The following GRIK3 variants were observed in gnomAD, a reference collection of about 807,000 sequenced individuals.
The protein encoded by GRIK3 is glutamate ionotropic receptor kainate type subunit 3.
In GRIK3, 29 loss-of-function variants were observed where a neutral mutation model predicts 102.5. The observed-to-expected ratio is 0.28, with a 90% confidence interval of 0.21 to 0.39. The LOEUF (loss-of-function observed/expected upper bound fraction) is 0.39. Ranked by LOEUF, GRIK3 falls within the 10% of genes least tolerant of loss-of-function variation. GRIK3 has a pLI of 1.00. For synonymous variants in GRIK3, 511 were observed against 504.9 expected (o/e 1.01, Z -0.16); for missense variants, 908 against 1,252.4 (o/e 0.73, Z 4.15).
intron 6 of GRIK3, 82 bp from the exon 7 acceptor site, chr1:36,859,333 CT>C (rs983949283): frequency 6.9e-7 from 1 of 1,438,906 alleles, no homozygotes; most frequent in Non-Finnish European, 9.5e-7. Flanking sequence ...CTTCTCCTCC[CT>C]TGCCACAGGT....
intron 1 of GRIK3, among the ~76,000 whole-genome samples, chr1:37,027,605 G>C (rs507460): frequency 0.52 from 79,776 of 152,062 alleles, 21,917 homozygotes; most frequent in African/African-American, 0.69. Context: ...AAACGCTCAA[G>C]TGTGGACAGC....
At chr1:36,857,474 A>G (rs1340585221) in intron 7 of GRIK3, among the ~76,000 whole-genome samples, 1 of 152,206 alleles carries the variant, frequency 6.6e-6, no homozygotes, top group Non-Finnish European at 1.5e-5. Flanking sequence ...CTGGGACTGG[A>G]GTCCCTTCTA....
chr1:37,022,898 T>G (rs1642729633), intron 1 of GRIK3, among the ~76,000 whole-genome samples: 1 of 152,128 alleles, frequency 6.6e-6, no homozygotes, highest in South Asian at 2.1e-4. Flanking sequence ...AACTAAGAAT[T>G]ATAATACAGC....
chr1:37,010,987 C>T (rs1024325361), intron 1 of GRIK3, among the ~76,000 whole-genome samples: 2 of 152,020 alleles, frequency 1.3e-5, no homozygotes, highest in Admixed American at 6.6e-5. Context: ...ATGATCCACC[C>T]GCCTCCGCCT....
intron 1 of GRIK3, among the ~76,000 whole-genome samples, chr1:36,939,718 C>A (rs1334928229): frequency 6.6e-6 from 1 of 152,226 alleles, no homozygotes; most frequent in Non-Finnish European, 1.5e-5. Flanking sequence ...AAACACCACT[C>A]CAAACCTCCC....
intron 1 of GRIK3, among the ~76,000 whole-genome samples, chr1:36,896,315 T>C (rs1641170921): frequency 1.3e-5 from 2 of 152,178 alleles, no homozygotes; most frequent in African/African-American, 4.8e-5. Context: ...AATATCCACT[T>C]ATGTATGCTT....
At chr1:36,974,610 A>C (rs1336933136) in intron 1 of GRIK3, among the ~76,000 whole-genome samples, 1 of 151,974 alleles carries the variant, frequency 6.6e-6, no homozygotes, top group African/African-American at 2.4e-5. Context: ...CATCCTGGCT[A>C]ACACAGTGAA....
chr1:36,943,325 A>G (rs1228597563), intron 1 of GRIK3, among the ~76,000 whole-genome samples: 2 of 152,228 alleles, frequency 1.3e-5, no homozygotes, highest in Non-Finnish European at 2.9e-5. Context: ...TGAGGGGTCA[A>G]GCAAGGCAGA....
chr1:36,921,454 A>G (rs1263277562), intron 1 of GRIK3, among the ~76,000 whole-genome samples: 1 of 152,144 alleles, frequency 6.6e-6, no homozygotes, highest in Non-Finnish European at 1.5e-5. Flanking sequence ...GACCTTTAAC[A>G]CTGCTTAACC....
At chr1:36,815,256 A>C (rs1642614032) in intron 13 of GRIK3, among the ~76,000 whole-genome samples, 1 of 151,878 alleles carries the variant, frequency 6.6e-6, no homozygotes, top group Non-Finnish European at 1.5e-5. Flanking sequence ...TTCCTCACTC[A>C]CTGTCTCTTC....
At position 36,819,685 on chromosome 1, in the gene GRIK3, G is replaced by T. The variant is rs569750364; in HGVS notation, c.1873+51C>A. 6 of 959,926 alleles carry T rather than the reference G, an allele frequency of 6.3e-6. No homozygotes were observed. The East Asian group carries it at 9.5e-5, about 15-fold the overall frequency. 59.5% of individuals were successfully genotyped at this position (959,926 alleles called of 1,614,324 possible). ...GCTGATGCCAAAGAGGCTGAAGACC[G>T]CTTGGGGAAAGCAGACCCTGGAAGG... On this transcript the variant is annotated intron_variant, in intron 12 of 15. Coordinates refer to ENST00000373091, the MANE Select transcript of GRIK3 (RefSeq NM_000831.4). This position sits in a 1 kb window ranked among gnomAD's most constrained non-coding sequence, Gnocchi z 4.1.
intron 11 of GRIK3, among the ~76,000 whole-genome samples, chr1:36,824,242 C>A (rs74356044): frequency 6.6e-6 from 1 of 152,126 alleles, no homozygotes; most frequent in Non-Finnish European, 1.5e-5. Flanking sequence ...AAGGGCAGAG[C>A]GGATGCCAGA....
chr1:36,819,798 A>G lies in GRIK3; in HGVS notation c.1811T>C (p.Val604Ala), dbSNP rs1291881992. Reference sequence around the variant, plus strand: ...GTTAAGCAGAGTGAAGTTATTTTCCACCACCTCGGAGCCAGGGTTGCAGGG... The same window carrying G: ...GTTAAGCAGAGTGAAGTTATTTTCCGCCACCTCGGAGCCAGGGTTGCAGGG... Reference protein sequence around the residue: ...AHPCNPGSEVVENNFTLLNSF... With the variant: ...AHPCNPGSEVAENNFTLLNSF... Residue 604 changes from valine (V) to alanine (A), a missense_variant, in exon 12 of 16, where the codon GTG (valine) becomes GCG (alanine). Physicochemically the swap from Val to Ala is moderately conservative, Grantham distance 64 (BLOSUM62 0). Transcript: ENST00000373091. This position sits in a 1 kb window ranked among gnomAD's most constrained non-coding sequence, Gnocchi z 4.1. 1.9e-6 allele frequency: 3 copies of G among 1,606,912 alleles called. No homozygotes were observed. The highest frequency in any genetic ancestry group is 1.7e-5 in the Admixed American group (1 of 59,532).
chr1:36,856,095 G>A (rs1236498102), intron 7 of GRIK3, among the ~76,000 whole-genome samples: 1 of 152,232 alleles, frequency 6.6e-6, no homozygotes, highest in Admixed American at 6.5e-5. Context: ...AGATGCATCA[G>A]AGAAGGTAAA....
chr1:36,880,412 G>T lies in GRIK3; in HGVS notation c.550+222C>A, dbSNP rs1392667432. 6.6e-6 allele frequency among the ~76,000 whole-genome samples: 1 copy of T among 152,216 alleles called. No individual in the cohort carries two copies. The highest frequency in any genetic ancestry group is 2.4e-5 in the African/African-American group (1 of 41,440). ...TAGAGGAGGAGCTGAGTGTGAGGCA[G>T]GGGTGAGGTGCGCTGGGGCTGAGTG... On this transcript the variant is annotated intron_variant, in intron 3 of 15. Transcript: ENST00000373091. This position sits in a 1 kb window ranked among gnomAD's most constrained non-coding sequence, Gnocchi z 5.4.
chr1:37,029,539 T>C (rs1375624946), intron 1 of GRIK3, among the ~76,000 whole-genome samples: 1 of 152,208 alleles, frequency 6.6e-6, no homozygotes, highest in African/African-American at 2.4e-5. Flanking sequence ...TCCCAGTCAC[T>C]GAGATCAAAC....
At chr1:36,945,894 A>G (rs1239838977) in intron 1 of GRIK3, among the ~76,000 whole-genome samples, 1 of 152,208 alleles carries the variant, frequency 6.6e-6, no homozygotes, top group African/African-American at 2.4e-5. Context: ...GGATCCCTGC[A>G]GATGAAGCCC....
intron 8 of GRIK3, among the ~76,000 whole-genome samples, chr1:36,852,949 G>A (rs1640602645): frequency 6.6e-6 from 1 of 152,326 alleles, no homozygotes; most frequent in South Asian, 2.1e-4. Flanking sequence ...CCCAGGGACT[G>A]GGATTGGCCT....
At chr1:36,810,883 C>T (rs189100427) in intron 13 of GRIK3, among the ~76,000 whole-genome samples, 3 of 152,336 alleles carry the variant, frequency 2.0e-5, no homozygotes, top group South Asian at 2.1e-4. Flanking sequence ...AGTTCACCTC[C>T]CCCCATCCCG....
Sources: allele counts gnomAD v4.1 joint callset (sites outside exome capture counted in the v4.1 genomes callset), GRCh38; gene constraint gnomAD v4.1.1; non-coding constraint Gnocchi (gnomAD v3.1); transcripts MANE v1.5; gene names NCBI Gene and HGNC (gene_info 2026-07-23, HGNC 2026-07-21).